SOS1: variants seen among roughly 807,000 people sequenced by gnomAD.
SOS1 encodes the protein son of sevenless homolog 1.
In SOS1, 25 loss-of-function variants were observed where a neutral mutation model predicts 157.6. That is an observed-to-expected ratio of 0.16 (90% confidence interval 0.12 to 0.22). The LOEUF is 0.22. Among genes scored for constraint, SOS1 ranks in the 10% least tolerant of loss-of-function variants. The probability of loss-of-function intolerance (pLI) is 1.00; values close to 1 mark genes in which losing one functional copy is unlikely to be tolerated. For synonymous variants in SOS1, 528 were observed against 534.0 expected, an observed-to-expected ratio of 0.99 and a Z score of 0.16; for missense variants, 1,237 against 1,599.1, an observed-to-expected ratio of 0.77 and a Z score of 3.86.
chr2:39,035,454 C>A lies in SOS1; in HGVS notation c.911G>T (p.Arg304Leu), dbSNP rs886254041. Reference protein sequence around the residue: ...PYESYARDILRPGFHDRFLSQ... With the variant: ...PYESYARDILLPGFHDRFLSQ... ...AAGGAAACGATCATGAAAACCAGGTCGCAAAATATCTCGAGCATACGATTC... is the reference window on the plus strand; with the variant it reads ...AAGGAAACGATCATGAAAACCAGGTAGCAAAATATCTCGAGCATACGATTC... Residue 304 changes from arginine (R) to leucine (L), a missense_variant, in exon 7 of 23, where the codon CGA becomes CTA. Arg to Leu is a moderately radical substitution (Grantham distance 102, BLOSUM62 -2). Around this residue, in one of 15 missense-constraint regions of SOS1, gnomAD observed 101 missense variants for 171.5 expected, o/e 0.59. Transcript: ENST00000402219. 3.1e-6 allele frequency: 5 copies of A among 1,613,694 alleles called. No homozygotes were observed. In the South Asian group the frequency reaches 5.5e-5, roughly 18 times the overall value.
chr2:39,013,401 G>T, intron 13 of SOS1, 59 bp downstream of exon 13: 4 of 944,880 alleles, frequency 4.2e-6, no homozygotes, highest in South Asian at 2.6e-5. Context: ...TCAATTGATA[G>T]TCACCGTGTT....
intron 5 of SOS1, among the ~76,000 whole-genome samples, chr2:39,051,669 A>C (rs955515118): frequency 6.6e-6 from 1 of 152,206 alleles, no homozygotes. Flanking sequence ...TATGTGTTTA[A>C]CATAAATAGC....
At chr2:39,011,376 T>C (rs967492520) in intron 14 of SOS1, among the ~76,000 whole-genome samples, 2 of 152,156 alleles carry the variant, frequency 1.3e-5, no homozygotes, top group Admixed American at 6.5e-5. Context: ...TGATATCTGT[T>C]ATAATCAGTT....
At chr2:38,988,646 C>G (rs886072288) in intron 21 of SOS1, among the ~76,000 whole-genome samples, 1 of 151,960 alleles carries the variant, frequency 6.6e-6, no homozygotes, top group African/African-American at 2.4e-5. Flanking sequence ...CAGCTTGTAA[C>G]TAGTATTTTC....
intron 1 of SOS1, among the ~76,000 whole-genome samples, chr2:39,119,172 T>C (rs1037604075): frequency 7.2e-5 from 11 of 152,282 alleles, no homozygotes; most frequent in South Asian, 4.1e-4. Context: ...AGGAGTAAAG[T>C]ATGTAAGATA....
chr2:39,007,597 A>T (rs1451051114), intron 15 of SOS1: 1 of 173,842 alleles, frequency 5.8e-6, no homozygotes, highest in Non-Finnish European at 1.2e-5. Context: ...ATTAATGCTC[A>T]ATTTCTTTCT....
intron 6 of SOS1, among the ~76,000 whole-genome samples, chr2:39,042,729 T>G (rs1670618635): frequency 6.6e-6 from 1 of 151,560 alleles, no homozygotes; most frequent in Admixed American, 6.6e-5. Context: ...TTTTTTTTTT[T>G]TTTAAAAACA....
rs142804973 is a variant in SOS1 at position 39,030,898 on chromosome 2, A to G, written c.1074+4314T>C. ...AGATTTGGATGCAGACACATAGAGA[A>G]GAACGTGAAGCTGTGAAGAAGCTGA... On this transcript the variant is annotated intron_variant, in intron 8 of 22. Coordinates refer to ENST00000402219, the MANE Select transcript of SOS1 (RefSeq NM_005633.4). Among the ~76,000 whole-genome samples, 16 of 152,296 alleles carry G rather than the reference A, an allele frequency of 1.1e-4. No individual in the cohort carries two copies. In the East Asian group the frequency reaches 2.9e-3, roughly 28 times the overall value.
chr2:39,051,372 T>G, intron 5 of SOS1, 85 bp from the exon 6 acceptor site: 1 of 1,242,102 alleles, frequency 8.1e-7, no homozygotes, highest in Non-Finnish European at 1.2e-6. Context: ...CATTTTATAA[T>G]CACAAAATTT....
Position 39,023,236 on chromosome 2 carries a change from G to A in SOS1, c.1203-11C>T, listed in dbSNP as rs770047461. On this transcript the variant is annotated splice_polypyrimidine_tract_variant and intron_variant, in intron 9 of 22. Coordinates refer to ENST00000402219, the MANE Select transcript of SOS1 (RefSeq NM_005633.4). Reference sequence around the variant, plus strand: ...CGACATGCAGATTCACTGGAATAAAGAAAAAGACATTATTAGTACATAGAT... The same window carrying A: ...CGACATGCAGATTCACTGGAATAAAAAAAAAGACATTATTAGTACATAGAT... 6.2e-7 allele frequency: 1 copy of A among 1,605,082 alleles called. No homozygotes were observed. The highest frequency in any genetic ancestry group is 8.5e-7 in the Non-Finnish European group (1 of 1,172,978).
At chr2:39,027,753 T>C (rs1259019714) in intron 8 of SOS1, among the ~76,000 whole-genome samples, 1 of 152,222 alleles carries the variant, frequency 6.6e-6, no homozygotes, top group African/African-American at 2.4e-5. Flanking sequence ...TTGAATAGTT[T>C]TAAAAAAAGT....
intron 6 of SOS1, 72 bp from the exon 7 acceptor site, chr2:39,035,572 C>G: frequency 9.4e-7 from 1 of 1,062,262 alleles, no homozygotes; most frequent in Non-Finnish European, 1.5e-6. Context: ...TTATGGGGCA[C>G]GACTATGCGA....
chr2:39,107,493 G>A (rs988693750), intron 1 of SOS1, among the ~76,000 whole-genome samples: 10 of 151,750 alleles, frequency 6.6e-5, no homozygotes, highest in Non-Finnish European at 1.5e-4. Context: ...TTAACTTGGA[G>A]TCAGACTTTC....
In SOS1 at chr2:38,983,294, T is replaced by C. The variant is rs1195767391; in HGVS notation, c.*2530A>G. ...AATTTGTCAACTAGTTAATGTTTCA[T>C]ATTGAGAAGAAGGCAAGGATGCCAT... On this transcript the variant is annotated 3_prime_UTR_variant, in exon 23 of 23. Coordinates refer to ENST00000402219, the MANE Select transcript of SOS1 (RefSeq NM_005633.4). The C allele has an allele frequency of 6.6e-6, 1 of 152,190 alleles. No homozygotes were observed. Among genetic ancestry groups the C allele is most frequent in the Non-Finnish European group, 1.5e-5 (1 of 68,032 alleles). The allele number at this position is 152,190 out of a possible 1,614,324, so 9.4% of individuals were successfully genotyped here.
In SOS1 at chr2:39,053,587, A is replaced by T. The variant is rs145611834; in HGVS notation, c.720+1027T>A. 3.7e-4 allele frequency among the ~76,000 whole-genome samples: 57 copies of T among 152,278 alleles called. 1 individual carries two copies. In the East Asian group the frequency reaches 0.011, roughly 29 times the overall value. On this transcript the variant is annotated intron_variant, in intron 5 of 22. Coordinates refer to ENST00000402219, the MANE Select transcript of SOS1 (RefSeq NM_005633.4). Reference sequence around the variant, plus strand: ...CTCCTTTATTTTTTAATTTTCACTCATCGCCATAGCTTGAGCCCAATCCCA... The same window carrying T: ...CTCCTTTATTTTTTAATTTTCACTCTTCGCCATAGCTTGAGCCCAATCCCA...
chr2:39,011,107 G>C (rs1669453488), intron 14 of SOS1, among the ~76,000 whole-genome samples: 1 of 152,078 alleles, frequency 6.6e-6, no homozygotes, highest in South Asian at 2.1e-4. Flanking sequence ...ATGTTGGCCA[G>C]GCTGGTCTCG....
intron 17 of SOS1, among the ~76,000 whole-genome samples, chr2:39,004,335 C>A (rs909757594): frequency 7.4e-6 from 1 of 135,988 alleles, no homozygotes; most frequent in African/African-American, 2.8e-5. Flanking sequence ...AGGAGAATGG[C>A]GTGAACCTTG....
chr2:39,053,438 TCTTTA>T (rs1381680842), intron 5 of SOS1, among the ~76,000 whole-genome samples: 3 of 152,222 alleles, frequency 2.0e-5, no homozygotes, highest in African/African-American at 4.8e-5. Context: ...CTTTGCCTCT[TCTTTA>T]CTTTTTTTAA....
At chr2:39,115,404 CTCTTTTTTTT>C (rs1170562526) in intron 1 of SOS1, among the ~76,000 whole-genome samples, 2 of 97,474 alleles carry the variant, frequency 2.1e-5, no homozygotes, top group Non-Finnish European at 4.4e-5. Flanking sequence ...TTTGTTCTCT[CTCTTTTTTTT>C]TTTTTTTTTT....
Sources: gnomAD v4.1 joint callset for allele counts (sites outside exome capture counted in the v4.1 genomes callset) on GRCh38, gnomAD v4.1.1 for gene constraint, gnomAD v4.1.1 regional missense constraint, MANE v1.5 for transcripts, NCBI Gene and HGNC (gene_info 2026-07-23, HGNC 2026-07-21) for gene names.